The following PSME4 variants were observed in gnomAD, a reference collection of about 807,000 sequenced individuals.
PSME4 encodes proteasome activator subunit 4, also known as proteasome activator complex subunit 4.
In PSME4, 89 loss-of-function variants were observed where a neutral mutation model predicts 253.9. The ratio of observed to expected loss-of-function variants is 0.35; its 90% CI spans 0.30 to 0.42. The LOEUF (loss-of-function observed/expected upper bound fraction) is 0.42, where lower values mean the gene tolerates loss of function less well. Among genes scored for constraint, PSME4 ranks in the 10% least tolerant of loss-of-function variants. The pLI is 1.00. For synonymous variants in PSME4, 851 were observed against 759.2 expected, an observed-to-expected ratio of 1.12 and a Z score of -1.99; for missense variants, 2,014 against 2,195.2, an observed-to-expected ratio of 0.92 and a Z score of 1.65.
At chr2:53,907,382 C>A (rs942999013) in intron 24 of PSME4, among the ~76,000 whole-genome samples, 6 of 152,162 alleles carry the variant, frequency 3.9e-5, no homozygotes, top group African/African-American at 1.4e-4. Flanking sequence ...TTCTTTCACA[C>A]CACAGTTCCT....
At chr2:53,937,815 T>C (rs1669193095) in intron 4 of PSME4, among the ~76,000 whole-genome samples, 1 of 152,000 alleles carries the variant, frequency 6.6e-6, no homozygotes, top group Admixed American at 6.6e-5. Context: ...TTGGGCAAAA[T>C]GGCAAAACCC....
chr2:53,948,207 T>C (rs1223941004), intron 3 of PSME4, among the ~76,000 whole-genome samples: 2 of 152,170 alleles, frequency 1.3e-5, no homozygotes, highest in African/African-American at 2.4e-5. Context: ...AGGCAGGATG[T>C]AGGTGCAAGA....
chr2:53,876,737 G>C (rs976290823), intron 41 of PSME4, among the ~76,000 whole-genome samples: 1 of 22,532 alleles, frequency 4.4e-5, no homozygotes, highest in Non-Finnish European at 8.9e-5. Flanking sequence ...TTTTTTTTTT[G>C]AGACAGGGTC....
rs527837021 is a variant in PSME4 at position 53,892,259 on chromosome 2, T to G, written c.4191+549A>C. Among the ~76,000 whole-genome samples the G allele has an allele frequency of 1.2e-4, 18 of 152,358 alleles. No homozygotes were observed. In the South Asian group the frequency reaches 3.3e-3, roughly 28 times the overall value. ...CTTATGCTCAGGTGGTCCTGACATT[T>G]GACCAGGTTATTTTTAGTCTCGTGT... On this transcript the variant is annotated intron_variant, in intron 36 of 46. Transcript: ENST00000404125.
In PSME4 at chr2:53,893,815, AAG is replaced by A. The variant is rs780875167; in HGVS notation, c.3913-18_3913-17del. On this transcript the variant is annotated splice_polypyrimidine_tract_variant and intron_variant, in intron 34 of 46. Coordinates refer to ENST00000404125, the MANE Select transcript of PSME4 (RefSeq NM_014614.3). The stretch of plus-strand genomic sequence containing the variant: ...TCTGTTCTGCCTATAAAGTTAAAAA[AAG>A]AACAATATTCAGCGTTTAAAATCCA... 1.3e-6 allele frequency: 2 copies of A among 1,576,544 alleles called. No homozygotes were observed. The highest frequency in any genetic ancestry group is 2.4e-5 in the South Asian group (2 of 84,590).
intron 1 of PSME4, among the ~76,000 whole-genome samples, chr2:53,950,627 A>G (rs904349301): frequency 6.6e-6 from 1 of 152,084 alleles, no homozygotes; most frequent in African/African-American, 2.4e-5. Flanking sequence ...GGATTACCTG[A>G]GGTCAGGAGT....
chr2:53,934,340 G>A (rs143781263), intron 8 of PSME4, among the ~76,000 whole-genome samples: 245 of 152,170 alleles, frequency 1.6e-3, no homozygotes, highest in African/African-American at 5.5e-3. Context: ...TCTGGTTCCC[G>A]GACAGTAAAA....
intron 1 of PSME4, among the ~76,000 whole-genome samples, chr2:53,967,532 C>G (rs1315875809): frequency 6.6e-6 from 1 of 151,234 alleles, no homozygotes; most frequent in Non-Finnish European, 1.5e-5. Context: ...ATCCCAGCTA[C>G]TCAGGAGGCT....
Position 53,926,051 on chromosome 2 carries a change from T to G in PSME4, c.1594-28A>C, listed in dbSNP as rs767330324. ...ATAATATCCCAATATGGAGAAAGAT[T>G]ACATATAGCCTTTGTTTTTTTTTCC... On this transcript the variant is annotated intron_variant, in intron 12 of 46. Coordinates refer to ENST00000404125, the MANE Select transcript of PSME4 (RefSeq NM_014614.3). 12 of 1,576,482 alleles carry G rather than the reference T, an allele frequency of 7.6e-6. No individual in the cohort carries two copies. In the South Asian group the frequency reaches 1.3e-4, roughly 18 times the overall value.
At chr2:53,879,494 T>G (rs966540399) in intron 41 of PSME4, among the ~76,000 whole-genome samples, 1 of 152,194 alleles carries the variant, frequency 6.6e-6, no homozygotes, top group Non-Finnish European at 1.5e-5. Flanking sequence ...GGTAATATAA[T>G]GCTTTGTGGG....
At chr2:53,882,900 C>CAAAAA in intron 41 of PSME4, among the ~76,000 whole-genome samples, 1 of 121,954 alleles carries the variant, frequency 8.2e-6, no homozygotes, top group African/African-American at 2.9e-5. Flanking sequence ...TGAGGAAATA[C>CAAAAA]AAAAAAAAAT....
chr2:53,868,429 G>C (rs1290338157), intron 44 of PSME4, among the ~76,000 whole-genome samples: 1 of 148,680 alleles, frequency 6.7e-6, no homozygotes, highest in African/African-American at 2.5e-5. Flanking sequence ...TCCAGCCTGG[G>C]TGACAGTGGA....
Position 53,942,057 on chromosome 2 carries a change from T to C in PSME4, c.501-2057A>G, listed in dbSNP as rs1669479675. The C allele has an allele frequency of 2.0e-5, 3 of 152,662 alleles. No homozygotes were observed. In the South Asian group the frequency reaches 6.2e-4, roughly 32 times the overall value. The allele number at this position is 152,662 out of a possible 1,614,324, so 9.5% of individuals were successfully genotyped here. On this transcript the variant is annotated intron_variant, in intron 3 of 46. Transcript: ENST00000404125. ...GGATTAGGGTATGTGGGAATGCAAT[T>C]TAGTTACTCTAAATAAAGTCAATTT...
At chr2:53,954,948 G>A (rs370015798) in intron 1 of PSME4, among the ~76,000 whole-genome samples, 54 of 152,196 alleles carry the variant, frequency 3.5e-4, no homozygotes, top group African/African-American at 1.3e-3. Flanking sequence ...GGGAAGTTGA[G>A]GAGGAAAGAT....
chr2:53,871,489 C>T (rs892634869), intron 43 of PSME4, among the ~76,000 whole-genome samples: 10 of 150,948 alleles, frequency 6.6e-5, no homozygotes, highest in Admixed American at 2.0e-4. Context: ...CTCCTGACCT[C>T]GTGATCCGCC....
intron 12 of PSME4, among the ~76,000 whole-genome samples, chr2:53,927,130 C>T (rs997519041): frequency 6.6e-6 from 1 of 152,172 alleles, no homozygotes; most frequent in African/African-American, 2.4e-5. Context: ...TTTTGCTTAA[C>T]AAAACATTGA....
intron 1 of PSME4, among the ~76,000 whole-genome samples, chr2:53,954,029 A>AT (rs1304082896): frequency 2.6e-5 from 4 of 152,236 alleles, no homozygotes; most frequent in African/African-American, 9.6e-5. Flanking sequence ...ATTTTTAATC[A>AT]TAAGAAAGAC....
chr2:53,893,899 G>GGC, intron 34 of PSME4, 100 bp from the exon 35 acceptor site: 5 of 1,411,816 alleles, frequency 3.5e-6, no homozygotes, highest in Non-Finnish European at 4.6e-6. Context: ...GTCAAAAGCA[G>GGC]GCTGTATTTT....
Position 53,953,503 on chromosome 2 carries a change from A to G in PSME4, c.243-4220T>C, listed in dbSNP as rs1024534671. 3.9e-4 allele frequency among the ~76,000 whole-genome samples: 59 copies of G among 151,080 alleles called. 2 individuals are homozygous for G. The highest frequency in any genetic ancestry group is 2.9e-3 in the South Asian group (14 of 4,808). ...CATGTCTATTAAAAAAAAAAAAAAA[A>G]AAAAGAAAAAGAAGAACTATGCAGG... On this transcript the variant is annotated intron_variant, in intron 1 of 46. Transcript: ENST00000404125.
Sources: gnomAD v4.1 joint callset for allele counts (sites outside exome capture counted in the v4.1 genomes callset) on GRCh38, gnomAD v4.1.1 for gene constraint, MANE v1.5 for transcripts, NCBI Gene and HGNC (gene_info 2026-07-23, HGNC 2026-07-21) for gene names.